MYT1L: variants seen among roughly 807,000 people sequenced by gnomAD.
MYT1L encodes myelin transcription factor 1 like.
A neutral mutation model predicts 126.7 loss-of-function variants in MYT1L; 12 were observed. The observed-to-expected ratio is 0.09, with a 90% CI of 0.06 to 0.15. The LOEUF (loss-of-function observed/expected upper bound fraction) is 0.15. Among genes scored for constraint, MYT1L ranks in the 10% least tolerant of loss-of-function variants. The pLI, the probability that MYT1L is intolerant of heterozygous loss-of-function variation, is 1.00. For missense variants in MYT1L, 979 were observed against 1,585.2 expected (o/e 0.62, Z 6.49); for synonymous variants, 541 against 604.2 (o/e 0.90, Z 1.53).
chr2:2,261,860 A>T (rs1476819788), intron 2 of MYT1L, among the ~76,000 whole-genome samples: 2 of 152,334 alleles, frequency 1.3e-5, no homozygotes, highest in African/African-American at 4.8e-5. Context: ...TACACTAGGA[A>T]CATCCTTCAT....
intron 2 of MYT1L, among the ~76,000 whole-genome samples, chr2:2,276,640 A>C (rs932898661): frequency 3.9e-5 from 6 of 152,146 alleles, no homozygotes; most frequent in Non-Finnish European, 8.8e-5. Flanking sequence ...GGTGTTAGCA[A>C]CCAAGCCACC....
intron 18 of MYT1L, among the ~76,000 whole-genome samples, chr2:1,869,473 G>A (rs2046008968): frequency 6.6e-6 from 1 of 152,242 alleles, no homozygotes; most frequent in Non-Finnish European, 1.5e-5. Flanking sequence ...GCCTGTGTGT[G>A]TGCCTGCATG....
intron 21 of MYT1L, among the ~76,000 whole-genome samples, chr2:1,829,597 GCACCTGTGAACTGACCCTCCCATA>G (rs1558678734): frequency 2.7e-3 from 155 of 58,430 alleles, no homozygotes; most frequent in Middle Eastern, 0.022. Context: ...ACCCTCCCAT[GCACCTGTGAACTGACCCTCCCATA>G]CACCTGTGAA....
intron 1 of MYT1L, among the ~76,000 whole-genome samples, chr2:2,309,607 C>T (rs185561848): frequency 6.6e-6 from 1 of 150,628 alleles, no homozygotes; most frequent in East Asian, 2.0e-4. Context: ...TGTACTCTAT[C>T]ATCTACACTC....
At chr2:2,184,093 G>A (rs370980512) in intron 2 of MYT1L, among the ~76,000 whole-genome samples, 5 of 151,226 alleles carry the variant, frequency 3.3e-5, no homozygotes. Flanking sequence ...GAGGGAGGGA[G>A]GGAAAGAAAA....
intron 2 of MYT1L, among the ~76,000 whole-genome samples, chr2:2,225,930 A>G (rs2093997712): frequency 6.6e-6 from 1 of 152,162 alleles, no homozygotes. Context: ...GAGTATAAGA[A>G]GCTTGCCCCA....
chr2:2,218,845 C>A (rs553694539), intron 2 of MYT1L, among the ~76,000 whole-genome samples: 8 of 152,274 alleles, frequency 5.3e-5, no homozygotes, highest in African/African-American at 1.7e-4. Flanking sequence ...AAGCAGGAGT[C>A]TAAGGTGAGG....
chr2:2,322,016 A>G (rs917842119), intron 1 of MYT1L, among the ~76,000 whole-genome samples: 19 of 152,204 alleles, frequency 1.2e-4, no homozygotes, highest in Non-Finnish European at 2.6e-4. Context: ...TCACACTGGC[A>G]TTTAAAAAAT....
Position 2,117,666 on chromosome 2 carries a change from C to T in MYT1L, c.-304+55206G>A, listed in dbSNP as rs138459645. On this transcript the variant is annotated intron_variant, in intron 3 of 24. Coordinates refer to ENST00000647738, the MANE Select transcript of MYT1L (RefSeq NM_001303052.2). ...TCCTTATATTCTAAACAGCATAATACGTTCATTAATTATATTAACTTAACG... is the reference window on the plus strand; with the variant it reads ...TCCTTATATTCTAAACAGCATAATATGTTCATTAATTATATTAACTTAACG... 5.9e-3 allele frequency among the ~76,000 whole-genome samples: 898 copies of T among 152,244 alleles called. 9 individuals carry two copies. The highest frequency in any genetic ancestry group is 0.019 in the African/African-American group (799 of 41,526).
At chr2:2,044,558 A>T (rs188983717) in intron 4 of MYT1L, among the ~76,000 whole-genome samples, 6 of 152,346 alleles carry the variant, frequency 3.9e-5, no homozygotes, top group East Asian at 3.9e-4. Context: ...CTCTCCTCTT[A>T]GATGCAGCCT....
chr2:2,001,174 T>C (rs966242338), intron 4 of MYT1L, among the ~76,000 whole-genome samples: 1 of 152,064 alleles, frequency 6.6e-6, no homozygotes, highest in East Asian at 1.9e-4. Flanking sequence ...CACTATTAGT[T>C]TTTTTGAATT....
chr2:1,894,184 G>A (rs1199036399), intron 14 of MYT1L, among the ~76,000 whole-genome samples: 2 of 152,214 alleles, frequency 1.3e-5, no homozygotes, highest in African/African-American at 2.4e-5. Flanking sequence ...CCTGAGAAGC[G>A]TGTCTGAGTG....
chr2:2,262,743 C>T (rs970694635), intron 2 of MYT1L, among the ~76,000 whole-genome samples: 6 of 150,578 alleles, frequency 4.0e-5, no homozygotes, highest in African/African-American at 1.5e-4. Context: ...TCTGACCTGT[C>T]TTTGCAGCTG....
chr2:2,209,737 A>G (rs61595816), intron 2 of MYT1L, among the ~76,000 whole-genome samples: 36 of 152,072 alleles, frequency 2.4e-4, no homozygotes, highest in Non-Finnish European at 1.2e-4. Flanking sequence ...GGCTCTTGTG[A>G]ATAGTCCTTC....
At chr2:2,299,752 ACT>A (rs1573340340) in intron 1 of MYT1L, among the ~76,000 whole-genome samples, 1 of 152,110 alleles carries the variant, frequency 6.6e-6, no homozygotes, top group East Asian at 1.9e-4. Context: ...ACAGTGAGAG[ACT>A]CTTACTCACA....
At chr2:1,951,391 G>A (rs1300374663) in intron 8 of MYT1L, among the ~76,000 whole-genome samples, 3 of 152,104 alleles carry the variant, frequency 2.0e-5, no homozygotes, top group Non-Finnish European at 4.4e-5. Flanking sequence ...CAGGGAGCAT[G>A]AGGCTGGCCC....
intron 10 of MYT1L, among the ~76,000 whole-genome samples, chr2:1,919,656 T>C (rs2053309914): frequency 6.6e-6 from 1 of 152,214 alleles, no homozygotes; most frequent in Non-Finnish European, 1.5e-5. Flanking sequence ...GACATGCTAG[T>C]GGTTGCAGGA....
chr2:1,953,625 T>C (rs1558521186), intron 8 of MYT1L, among the ~76,000 whole-genome samples: 1 of 152,338 alleles, frequency 6.6e-6, no homozygotes, highest in South Asian at 2.1e-4. Flanking sequence ...TGTTTTCTTT[T>C]TGGTTTTAGA....
chr2:2,115,639 C>T (rs2080107481), intron 3 of MYT1L, among the ~76,000 whole-genome samples: 1 of 152,238 alleles, frequency 6.6e-6, no homozygotes, highest in South Asian at 2.1e-4. Flanking sequence ...GCCTGGGTGA[C>T]ATGCTGAATA....
Sources: allele counts gnomAD v4.1 joint callset (sites outside exome capture counted in the v4.1 genomes callset), GRCh38; gene constraint gnomAD v4.1.1; transcripts MANE v1.5; gene names NCBI Gene and HGNC (gene_info 2026-07-23, HGNC 2026-07-21).